ATE1: variants seen among roughly 807,000 people sequenced by gnomAD.
ATE1 encodes arginyltransferase 1.
In ATE1, 36 loss-of-function variants were observed where a neutral mutation model predicts 70.5. The observed-to-expected ratio is 0.51, with a 90% confidence interval of 0.39 to 0.67. The LOEUF is 0.67. Ranked by LOEUF, ATE1 falls within the 30% of genes least tolerant of loss-of-function variation. The pLI, the probability that ATE1 is intolerant of heterozygous loss-of-function variation, is 0.00. For missense variants in ATE1, 593 were observed against 629.5 expected, an observed-to-expected ratio of 0.94 and a Z score of 0.62; for synonymous variants, 232 against 219.3, an observed-to-expected ratio of 1.06 and a Z score of -0.51.
intron 3 of ATE1, among the ~76,000 whole-genome samples, chr10:121,915,445 T>C (rs1951610605): frequency 2.0e-5 from 3 of 151,774 alleles, no homozygotes; most frequent in Admixed American, 2.0e-4. Flanking sequence ...GGTGAAAAGA[T>C]AGAATAAAAA....
intron 8 of ATE1, among the ~76,000 whole-genome samples, chr10:121,864,797 C>T (rs1323696063): frequency 6.6e-6 from 1 of 151,522 alleles, no homozygotes; most frequent in Non-Finnish European, 1.5e-5. Flanking sequence ...CTATTTTGTC[C>T]CCCTAGGGAC....
chr10:121,795,346 A>G (rs1946621576), intron 10 of ATE1, among the ~76,000 whole-genome samples: 1 of 152,246 alleles, frequency 6.6e-6, no homozygotes, highest in Non-Finnish European at 1.5e-5. Flanking sequence ...GCTGGAACAA[A>G]AAGATGAACA....
intron 1 of ATE1, 103 bp downstream of exon 1, chr10:121,927,741 C>T (rs1057076433): frequency 8.7e-6 from 12 of 1,385,214 alleles, no homozygotes; most frequent in African/African-American, 4.6e-5. Flanking sequence ...GGCCGTGGCA[C>T]TGGGGCCAGG....
At chr10:121,790,724 T>A (rs1297670205) in intron 10 of ATE1, among the ~76,000 whole-genome samples, 1 of 152,196 alleles carries the variant, frequency 6.6e-6, no homozygotes, top group Non-Finnish European at 1.5e-5. Context: ...AATGACAAAT[T>A]TTTTAATTTG....
At chr10:121,828,131 G>A (rs896892426) in intron 10 of ATE1, among the ~76,000 whole-genome samples, 1 of 152,202 alleles carries the variant, frequency 6.6e-6, no homozygotes, top group Non-Finnish European at 1.5e-5. Context: ...AGCCCAATGA[G>A]CACATCTCTA....
chr10:121,754,453 T>G (rs561793731), intron 11 of ATE1, among the ~76,000 whole-genome samples: 10 of 152,150 alleles, frequency 6.6e-5, no homozygotes, highest in African/African-American at 2.2e-4. Flanking sequence ...CTGAGACAAT[T>G]TGAGCATTCA....
intron 11 of ATE1, among the ~76,000 whole-genome samples, chr10:121,788,300 C>T (rs553411053): frequency 3.2e-4 from 48 of 152,292 alleles, no homozygotes; most frequent in African/African-American, 1.0e-3. Flanking sequence ...AACGATCAGA[C>T]GCTGGCTAAT....
chr10:121,769,170 G>A (rs759906305), intron 11 of ATE1, among the ~76,000 whole-genome samples: 1 of 152,126 alleles, frequency 6.6e-6, no homozygotes, highest in African/African-American at 2.4e-5. Context: ...CAGAAATCAA[G>A]ACTGTGTAGT....
intron 10 of ATE1, among the ~76,000 whole-genome samples, chr10:121,797,240 A>G (rs1363931935): frequency 6.6e-6 from 1 of 152,232 alleles, no homozygotes; most frequent in Admixed American, 6.5e-5. Flanking sequence ...TAGAAATCTG[A>G]ATTTTCAAAG....
At chr10:121,818,798 C>T (rs1420083215) in intron 10 of ATE1, among the ~76,000 whole-genome samples, 2 of 152,180 alleles carry the variant, frequency 1.3e-5, no homozygotes, top group Non-Finnish European at 2.9e-5. Context: ...CATTTTCCTT[C>T]ACTTGAACCA....
intron 10 of ATE1, among the ~76,000 whole-genome samples, chr10:121,807,274 A>T (rs545923640): frequency 6.6e-6 from 1 of 152,378 alleles, no homozygotes; most frequent in African/African-American, 2.4e-5. Context: ...ATTTAGAATG[A>T]TTGAACATTG....
chr10:121,879,238 T>C (rs1405181135), intron 7 of ATE1, among the ~76,000 whole-genome samples: 1 of 152,164 alleles, frequency 6.6e-6, no homozygotes, highest in East Asian at 1.9e-4. Flanking sequence ...CTCTCCCAAC[T>C]ACCTGAAATG....
intron 9 of ATE1, 151 bp from the exon 10 acceptor site, chr10:121,836,968 CTA>C: frequency 1.7e-6 from 1 of 598,956 alleles, no homozygotes; most frequent in Non-Finnish European, 2.9e-6. Flanking sequence ...TTTTAAAACA[CTA>C]TACAATTTTT....
Position 121,899,943 on chromosome 10 carries a change from G to T in ATE1, c.865C>A (p.Leu289Met). 1 of 1,614,084 alleles carries T rather than the reference G, an allele frequency of 6.2e-7. No individual in the cohort carries two copies. Among genetic ancestry groups the T allele is most frequent in the Non-Finnish European group, 8.5e-7 (1 of 1,179,974 alleles). Residue 289 changes from leucine to methionine, a missense_variant, in exon 7 of 12, where the codon CTG (leucine) becomes ATG (methionine). Physicochemically the swap from Leu to Met is conservative, Grantham distance 15. Around this residue, in one of 3 missense-constraint regions of ATE1, gnomAD observed 467 missense variants for 469.6 expected, o/e 0.99. Transcript: ENST00000224652. ...CGTTTATAGACCTGGTAAGACTCCA[G>T]AAGTGTGGCTTTGAACTGCGAACTT... ...PPSSQFKATL[L>M]ESYQVYKRYQ...
chr10:121,892,421 G>A (rs1950609915), intron 7 of ATE1, among the ~76,000 whole-genome samples: 2 of 152,050 alleles, frequency 1.3e-5, no homozygotes, highest in South Asian at 4.1e-4. Flanking sequence ...GAGGGGTTAG[G>A]GAAAGGGGGT....
intron 6 of ATE1, 91 bp from the exon 7 acceptor site, chr10:121,900,085 C>T (rs954155965): frequency 2.9e-6 from 4 of 1,357,310 alleles, no homozygotes; most frequent in African/African-American, 1.5e-5. Context: ...ATCCAAGAAA[C>T]CAAGTTTCAA....
At chr10:121,891,294 T>C (rs1950570728) in intron 7 of ATE1, among the ~76,000 whole-genome samples, 1 of 152,088 alleles carries the variant, frequency 6.6e-6, no homozygotes, top group Admixed American at 6.5e-5. Flanking sequence ...CCCACCCTAG[T>C]CTTTTATTAT....
intron 10 of ATE1, among the ~76,000 whole-genome samples, chr10:121,833,599 A>G (rs957056187): frequency 3.3e-5 from 5 of 151,394 alleles, no homozygotes; most frequent in Non-Finnish European, 5.9e-5. Context: ...GAAAAATGAT[A>G]AGATGGGGAA....
chr10:121,892,552 G>A (rs1460043381), intron 7 of ATE1, among the ~76,000 whole-genome samples: 1 of 150,032 alleles, frequency 6.7e-6, no homozygotes, highest in Non-Finnish European at 1.5e-5. Flanking sequence ...CCTCGCCAAG[G>A]TTGGAGCGCA....
Sources: gnomAD v4.1 joint callset for allele counts (sites outside exome capture counted in the v4.1 genomes callset) on GRCh38, gnomAD v4.1.1 for gene constraint, gnomAD v4.1.1 regional missense constraint, MANE v1.5 for transcripts, NCBI Gene and HGNC (gene_info 2026-07-23, HGNC 2026-07-21) for gene names.